Variants in TSPAN15 observed in about 807,000 individuals in gnomAD.
TSPAN15 encodes tetraspanin-15.
Under a neutral mutation model 34.5 loss-of-function variants are expected in TSPAN15, and 20 were observed. The ratio of observed to expected loss-of-function variants is 0.58; its 90% CI spans 0.41 to 0.84. The LOEUF (loss-of-function observed/expected upper bound fraction) is 0.84. Among genes scored for constraint, TSPAN15 ranks in the 40% least tolerant of loss-of-function variants. TSPAN15 has a pLI of 0.00. For synonymous variants in TSPAN15, 155 were observed against 153.9 expected (o/e 1.01, Z -0.05); for missense variants, 313 against 386.1 (o/e 0.81, Z 1.59).
chr10:69,537,187 C>T, the TSPAN15 span, among the ~76,000 whole-genome samples: 1 of 152,110 alleles, frequency 6.6e-6, no homozygotes, highest in Non-Finnish European at 1.5e-5. Context: ...ATAATAAAGT[C>T]AGGACCAGGC....
At chr10:69,501,354 G>T (rs1360898712) in intron 5 of TSPAN15, among the ~76,000 whole-genome samples, 2 of 152,190 alleles carry the variant, frequency 1.3e-5, no homozygotes, top group Non-Finnish European at 2.9e-5. Flanking sequence ...CCCTGGCCGG[G>T]GTTATCTGAC....
chr10:69,541,469 C>T, the TSPAN15 span, among the ~76,000 whole-genome samples: 3 of 152,196 alleles, frequency 2.0e-5, no homozygotes, highest in Admixed American at 2.0e-4. Flanking sequence ...TCCGAAATCC[C>T]ATAGACTTGG....
At position 69,483,886 on chromosome 10, in the gene TSPAN15, C is replaced by G. The variant is rs775472999; in HGVS notation, c.282+10C>G. ...GTACCTTCTCCAAGCAGTGAGTGGA[C>G]CACACCACCCCTCAGCCGGGACTCC... On this transcript the variant is annotated intron_variant, in intron 2 of 7. Transcript: ENST00000373290. 1 of 1,609,546 alleles carries G rather than the reference C, an allele frequency of 6.2e-7. No homozygotes were observed. The highest frequency in any genetic ancestry group is 1.7e-5 in the Admixed American group (1 of 59,846).
At chr10:69,525,281 A>G in the TSPAN15 span, among the ~76,000 whole-genome samples, 1 of 147,856 alleles carries the variant, frequency 6.8e-6, no homozygotes, top group African/African-American at 2.5e-5. Flanking sequence ...AGGAGAACAA[A>G]TTATATAAAA....
At chr10:69,514,982 A>G in the TSPAN15 span, among the ~76,000 whole-genome samples, 1 of 151,568 alleles carries the variant, frequency 6.6e-6, no homozygotes, top group Non-Finnish European at 1.5e-5. Context: ...CCCTAATTAG[A>G]CTCTTGTCCC....
At chr10:69,533,967 A>G in the TSPAN15 span, among the ~76,000 whole-genome samples, 1 of 152,218 alleles carries the variant, frequency 6.6e-6, no homozygotes, top group Admixed American at 6.5e-5. Flanking sequence ...ATTCTTTATT[A>G]GATGTGGCAT....
chr10:69,531,355 T>C, the TSPAN15 span, among the ~76,000 whole-genome samples: 1 of 151,912 alleles, frequency 6.6e-6, no homozygotes, highest in African/African-American at 2.4e-5. Context: ...TCCCAGCACT[T>C]TGGGAGGCCG....
chr10:69,457,487 A>G (rs1841139862), intron 1 of TSPAN15, among the ~76,000 whole-genome samples: 1 of 152,164 alleles, frequency 6.6e-6, no homozygotes, highest in Non-Finnish European at 1.5e-5. Flanking sequence ...TAAAGGTGTC[A>G]TGGCTGGGGA....
chr10:69,451,777 T>A, intron 1 of TSPAN15, 87 bp downstream of exon 1: 1 of 1,120,192 alleles, frequency 8.9e-7, no homozygotes, highest in Non-Finnish European at 1.2e-6. Context: ...GGTCCACACT[T>A]AGCCGCTCCA....
chr10:69,502,253 A>G (rs2133158053), intron 5 of TSPAN15, among the ~76,000 whole-genome samples: 1 of 152,326 alleles, frequency 6.6e-6, no homozygotes, highest in Middle Eastern at 3.4e-3. Flanking sequence ...TAGGGCTGTA[A>G]AATCTGGTTA....
At chr10:69,484,674 G>T (rs890333200) in intron 2 of TSPAN15, among the ~76,000 whole-genome samples, 1 of 152,168 alleles carries the variant, frequency 6.6e-6, no homozygotes, top group African/African-American at 2.4e-5. Flanking sequence ...GGCAGAGGTG[G>T]GGGTGCATAT....
downstream of TSPAN15, among the ~76,000 whole-genome samples, chr10:69,509,050 G>A (rs943380657): frequency 2.0e-5 from 3 of 152,040 alleles, no homozygotes; most frequent in African/African-American, 7.2e-5. Context: ...TGGGGCTCTG[G>A]CTGTTCTGAG....
the TSPAN15 span, among the ~76,000 whole-genome samples, chr10:69,517,503 A>G: frequency 1.3e-4 from 20 of 152,200 alleles, no homozygotes; most frequent in African/African-American, 4.6e-4. Flanking sequence ...AGGGCCCCTC[A>G]GCATCATCTG....
the TSPAN15 span, among the ~76,000 whole-genome samples, chr10:69,548,652 G>A: frequency 8.5e-5 from 13 of 152,196 alleles, no homozygotes; most frequent in African/African-American, 3.1e-4. Context: ...GGAGGTTGAG[G>A]CAGCTAGGGT....
chr10:69,459,654 G>A (rs78536973), intron 1 of TSPAN15, among the ~76,000 whole-genome samples: 2,856 of 152,276 alleles, frequency 0.019, 105 homozygotes, highest in African/African-American at 0.066. Flanking sequence ...GGTGGCAGGG[G>A]CCTGGCTGTG....
the TSPAN15 span, among the ~76,000 whole-genome samples, chr10:69,528,515 G>A: frequency 2.0e-5 from 3 of 148,724 alleles, no homozygotes; most frequent in African/African-American, 2.4e-5. Flanking sequence ...TGGCAGGCAA[G>A]GGGCCTGCCC....
In TSPAN15 at chr10:69,506,908, T is replaced by C; in HGVS notation, c.815T>C (p.Leu272Pro). Residue 272 changes from leucine to proline, a missense_variant, in exon 8 of 8, where the codon CTC becomes CCC. Transcript: ENST00000373290. This position sits in a 1 kb window ranked among gnomAD's most constrained non-coding sequence, Gnocchi z 4.7. ...IIMEHSVTDG[L>P]LGPGAKPSVE... ...ATGGAGCACTCTGTCACTGATGGGC[T>C]CCTGGGGCCCGGTGCCAAGCCCAGC... 1 of 1,608,788 alleles carries C rather than the reference T, an allele frequency of 6.2e-7. No individual in the cohort carries two copies. Among genetic ancestry groups the C allele is most frequent in the Non-Finnish European group, 8.5e-7 (1 of 1,178,154 alleles).
At chr10:69,455,148 CAAA>C (rs60463263) in intron 1 of TSPAN15, among the ~76,000 whole-genome samples, 2 of 82,492 alleles carry the variant, frequency 2.4e-5, no homozygotes, top group Non-Finnish European at 2.4e-5. Flanking sequence ...GTGACAGTCT[CAAA>C]AAAAAAAAAA....
At chr10:69,513,610 C>T in the TSPAN15 span, among the ~76,000 whole-genome samples, 12 of 152,326 alleles carry the variant, frequency 7.9e-5, no homozygotes, top group Admixed American at 7.8e-4. Flanking sequence ...CGTGATGCTT[C>T]TGGTGTCATA....
Sources: allele counts gnomAD v4.1 joint callset (sites outside exome capture counted in the v4.1 genomes callset), GRCh38; gene constraint gnomAD v4.1.1; non-coding constraint Gnocchi (gnomAD v3.1); transcripts MANE v1.5; gene names NCBI Gene and HGNC (gene_info 2026-07-23, HGNC 2026-07-21).